Variants in RNF6 observed in about 807,000 individuals in gnomAD.
RNF6 encodes ring finger protein 6.
RNF6 carries 21 observed loss-of-function variants against 50.1 expected under a neutral mutation model. The observed-to-expected ratio is 0.42, with a 90% confidence interval of 0.30 to 0.60. The LOEUF (loss-of-function observed/expected upper bound fraction) is 0.60. Ranked by LOEUF, RNF6 falls within the 20% of genes least tolerant of loss-of-function variation. RNF6 has a pLI of 0.20. For synonymous variants in RNF6, 255 were observed against 291.8 expected (o/e 0.87, Z 1.29); for missense variants, 698 against 838.2 (o/e 0.83, Z 2.07).
rs1415931097 is a variant in RNF6 at position 26,213,116 on chromosome 13, A to G, written c.*708T>C. 3 of 145,876 alleles carry G rather than the reference A, an allele frequency of 2.1e-5. No homozygotes were observed. Among genetic ancestry groups the G allele is most frequent in the Admixed American group, 6.6e-5 (1 of 15,048 alleles). The allele number at this position is 145,876 out of a possible 1,614,324, so 9.0% of individuals were successfully genotyped here. On this transcript the variant is annotated 3_prime_UTR_variant, in exon 5 of 5. Coordinates refer to ENST00000381588, the MANE Select transcript of RNF6 (RefSeq NM_005977.4). Reference sequence around the variant, plus strand: ...AGTATTATATATTGCTTGCTGTCTAATAAGTTAGATTGTCAGAGACGCTTC... The same window carrying G: ...AGTATTATATATTGCTTGCTGTCTAGTAAGTTAGATTGTCAGAGACGCTTC...
At chr13:26,193,901 A>G (rs1868558535) in intron 5 of RNF6, among the ~76,000 whole-genome samples, 3 of 152,238 alleles carry the variant, frequency 2.0e-5, no homozygotes, top group Admixed American at 1.3e-4. Context: ...TAGTAGCACA[A>G]GCTTGTAGAT....
chr13:26,197,214 T>G (rs1305043696), intron 5 of RNF6, among the ~76,000 whole-genome samples: 5 of 151,836 alleles, frequency 3.3e-5, no homozygotes, highest in Admixed American at 6.6e-5. Flanking sequence ...CTAGAAAAAC[T>G]CAAGGCTGCC....
intron 5 of RNF6, among the ~76,000 whole-genome samples, chr13:26,186,648 G>A (rs116523356): frequency 0.046 from 6,959 of 152,354 alleles, 508 homozygotes; most frequent in African/African-American, 0.15. Flanking sequence ...CTCTCACAGG[G>A]CCCGCAGCGG....
At chr13:26,179,276 A>C (rs1873122432) in intron 5 of RNF6, among the ~76,000 whole-genome samples, 1 of 152,214 alleles carries the variant, frequency 6.6e-6, no homozygotes, top group African/African-American at 2.4e-5. Context: ...CTCGCATAAC[A>C]AGTCAGGCAA....
At chr13:26,182,749 G>C (rs1428012467) in intron 5 of RNF6, among the ~76,000 whole-genome samples, 2 of 152,168 alleles carry the variant, frequency 1.3e-5, no homozygotes, top group Non-Finnish European at 2.9e-5. Flanking sequence ...AGGCCACAAT[G>C]AGCCATGATC....
At chr13:26,143,002 T>C (rs367914413) in intron 5 of RNF6, among the ~76,000 whole-genome samples, 1 of 152,112 alleles carries the variant, frequency 6.6e-6, no homozygotes. Context: ...GAAATACTCA[T>C]GATAGGTACA....
chr13:26,171,534 T>G (rs1291297377), intron 5 of RNF6, among the ~76,000 whole-genome samples: 1 of 152,196 alleles, frequency 6.6e-6, no homozygotes, highest in Non-Finnish European at 1.5e-5. Context: ...TATCCATCAA[T>G]TTCACTTCTA....
At chr13:26,161,379 A>T (rs1383438655) in intron 5 of RNF6, among the ~76,000 whole-genome samples, 1 of 152,222 alleles carries the variant, frequency 6.6e-6, no homozygotes, top group Non-Finnish European at 1.5e-5. Flanking sequence ...GTGATTCTGA[A>T]TAAAATTTTA....
intron 5 of RNF6, among the ~76,000 whole-genome samples, chr13:26,205,706 CTCTT>C (rs894506151): frequency 4.6e-5 from 7 of 152,228 alleles, no homozygotes; most frequent in Non-Finnish European, 1.0e-4. Flanking sequence ...TAAATCCTTT[CTCTT>C]TGTTAAGAAA....
chr13:26,171,162 G>C (rs1007154325), intron 5 of RNF6, among the ~76,000 whole-genome samples: 1 of 152,070 alleles, frequency 6.6e-6, no homozygotes, highest in Non-Finnish European at 1.5e-5. Flanking sequence ...TATCTGATAA[G>C]AGCTTAATTT....
At chr13:26,177,012 A>T (rs1872987844) in intron 5 of RNF6, among the ~76,000 whole-genome samples, 1 of 152,216 alleles carries the variant, frequency 6.6e-6, no homozygotes, top group Non-Finnish European at 1.5e-5. Flanking sequence ...CCAAATGATG[A>T]CAGCAACAGA....
chr13:26,146,433 G>C (rs2137569623), intron 5 of RNF6, among the ~76,000 whole-genome samples: 1 of 152,336 alleles, frequency 6.6e-6, no homozygotes, highest in South Asian at 2.1e-4. Flanking sequence ...AGTGGTCATA[G>C]TTCCCACTGT....
chr13:26,196,688 G>A (rs780819078), intron 5 of RNF6, among the ~76,000 whole-genome samples: 6 of 151,618 alleles, frequency 4.0e-5, no homozygotes, highest in Non-Finnish European at 5.9e-5. Flanking sequence ...CAAAAAGCTG[G>A]GAGAATCTGC....
At chr13:26,172,852 T>TTA (rs1872768284) in intron 5 of RNF6, among the ~76,000 whole-genome samples, 1 of 152,134 alleles carries the variant, frequency 6.6e-6, no homozygotes, top group Admixed American at 6.5e-5. Flanking sequence ...CTAGAATATA[T>TTA]CTTTACTGTA....
chr13:26,169,194 G>T (rs562937309), intron 5 of RNF6, among the ~76,000 whole-genome samples: 1 of 152,256 alleles, frequency 6.6e-6, no homozygotes, highest in Non-Finnish European at 1.5e-5. Context: ...GCCAGCTCAT[G>T]CACCCCATCC....
chr13:26,204,279 T>A (rs1004559725), intron 5 of RNF6, among the ~76,000 whole-genome samples: 2 of 151,984 alleles, frequency 1.3e-5, no homozygotes, highest in African/African-American at 4.8e-5. Context: ...GTGGATCAAC[T>A]GAGGTCAGGA....
At chr13:26,142,049 C>A (rs1443802593) in intron 5 of RNF6, among the ~76,000 whole-genome samples, 1 of 151,946 alleles carries the variant, frequency 6.6e-6, no homozygotes, top group Non-Finnish European at 1.5e-5. Context: ...CCAAATAACC[C>A]CATTAAAACG....
chr13:26,171,320 G>A (rs73158256), intron 5 of RNF6, among the ~76,000 whole-genome samples: 5,513 of 152,232 alleles, frequency 0.036, 108 homozygotes, highest in Non-Finnish European at 0.046. Flanking sequence ...CATTAGGGAA[G>A]CGCAAATCAA....
At chr13:26,178,445 C>T (rs1449167297) in intron 5 of RNF6, among the ~76,000 whole-genome samples, 1 of 150,926 alleles carries the variant, frequency 6.6e-6, no homozygotes, top group Non-Finnish European at 1.5e-5. Flanking sequence ...ACCTAAACAC[C>T]TCCCAAAGGC....
Sources: gnomAD v4.1 joint callset for allele counts (sites outside exome capture counted in the v4.1 genomes callset) on GRCh38, gnomAD v4.1.1 for gene constraint, MANE v1.5 for transcripts, NCBI Gene and HGNC (gene_info 2026-07-23, HGNC 2026-07-21) for gene names.